NINL: variants seen among roughly 807,000 people sequenced by gnomAD.
The protein encoded by NINL is ninein like.
Under a neutral mutation model 160.3 loss-of-function variants are expected in NINL, and 153 were observed. The observed-to-expected ratio is 0.95, with a 90% confidence interval of 0.84 to 1.09. The LOEUF is 1.09. NINL is among the 50% of genes least tolerant of loss of function. The pLI, the probability that NINL is intolerant of heterozygous loss-of-function variation, is 0.00. For missense variants in NINL, 1,829 were observed against 1,764.0 expected (o/e 1.04, Z -0.66); for synonymous variants, 800 against 734.8 (o/e 1.09, Z -1.43).
In NINL at chr20:25,480,200, C is replaced by CT; in HGVS notation, c.1877dup (p.Glu627GlyfsTer29). The stretch of plus-strand genomic sequence containing the variant: ...GGGTCCTGAGGTCTTGGTAATGCTC[C>CT]TTTACCTGCTCCATCATCAGCTCCG... On this transcript the variant is annotated frameshift_variant, in exon 15 of 24. Coordinates refer to ENST00000278886, the MANE Select transcript of NINL (RefSeq NM_025176.6). LOFTEE classifies it high-confidence loss of function. 1 of 1,614,090 alleles carries CT rather than the reference C, an allele frequency of 6.2e-7. No individual in the cohort carries two copies. Among genetic ancestry groups the CT allele is most frequent in the South Asian group, 1.1e-5 (1 of 91,076 alleles).
chr20:25,540,000 T>G, intron 1 of NINL: 1 of 1,286,654 alleles, frequency 7.8e-7, no homozygotes, highest in Non-Finnish European at 1.0e-6. Context: ...AGCAGCTCAC[T>G]GTAATAATAC....
intron 19 of NINL, among the ~76,000 whole-genome samples, chr20:25,465,301 A>G (rs1344594789): frequency 1.3e-5 from 2 of 152,180 alleles, no homozygotes; most frequent in Non-Finnish European, 2.9e-5. Context: ...CAAAGGGACC[A>G]TGCAGGGGAT....
intron 13 of NINL, among the ~76,000 whole-genome samples, chr20:25,483,744 C>A (rs2063448762): frequency 1.3e-5 from 2 of 152,384 alleles, no homozygotes; most frequent in Middle Eastern, 3.4e-3. Flanking sequence ...CCAGTATGCT[C>A]AGTCACTTGC....
At chr20:25,558,034 G>C (rs953372951) in intron 1 of NINL, among the ~76,000 whole-genome samples, 4 of 151,508 alleles carry the variant, frequency 2.6e-5, no homozygotes, top group Non-Finnish European at 4.4e-5. Context: ...ACAGCTACTC[G>C]GGAGGCTGAA....
At chr20:25,470,912 A>G (rs1300303331) in intron 17 of NINL, among the ~76,000 whole-genome samples, 1 of 152,228 alleles carries the variant, frequency 6.6e-6, no homozygotes, top group Non-Finnish European at 1.5e-5. Context: ...ACTGACTGGT[A>G]AGGCTAACGT....
In NINL at chr20:25,540,099, C is replaced by T. The variant is rs1465812331; in HGVS notation, c.-11-13501G>A. ...AATACTCCTTGGTATTCCACATCTG[C>T]ATAAAATGTTTGCATGTCAAAATCA... On this transcript the variant is annotated intron_variant, in intron 1 of 23. Coordinates refer to ENST00000278886, the MANE Select transcript of NINL (RefSeq NM_025176.6). 4.8e-6 allele frequency: 6 copies of T among 1,242,212 alleles called. No individual in the cohort carries two copies. The South Asian group carries it at 7.5e-5, about 16-fold the overall frequency. 76.9% of individuals were successfully genotyped at this position (1,242,212 alleles called of 1,614,324 possible).
intron 1 of NINL, among the ~76,000 whole-genome samples, chr20:25,545,404 T>C (rs2064719325): frequency 6.6e-6 from 1 of 152,126 alleles, no homozygotes; most frequent in Non-Finnish European, 1.5e-5. Context: ...ACTGTAGACC[T>C]AAAGTCTCCC....
intron 7 of NINL, among the ~76,000 whole-genome samples, chr20:25,501,758 A>G (rs564893555): frequency 6.6e-6 from 1 of 152,066 alleles, no homozygotes; most frequent in East Asian, 1.9e-4. Context: ...TCAGCCTCCC[A>G]AGTAGCTGGG....
rs1054908054 is a variant in NINL, at chr20:25,487,063, A to G, written c.1677+2181T>C. 2.0e-5 allele frequency among the ~76,000 whole-genome samples: 3 copies of G among 152,256 alleles called. No individual in the cohort carries two copies. The South Asian group carries it at 6.2e-4, about 32-fold the overall frequency. On this transcript the variant is annotated intron_variant, in intron 13 of 23. Transcript: ENST00000278886. ...GTGGCCTTAAGATTCACACACGGAA[A>G]GAATGAGCTGTAACTAAAACCAGTT...
chr20:25,459,240 G>C (rs971908040), intron 21 of NINL, among the ~76,000 whole-genome samples: 3 of 152,154 alleles, frequency 2.0e-5, no homozygotes, highest in Non-Finnish European at 4.4e-5. Context: ...TATTTGGGCT[G>C]GGCCTGACAT....
At chr20:25,479,520 G>A (rs1048751548) in intron 15 of NINL, among the ~76,000 whole-genome samples, 2 of 152,194 alleles carry the variant, frequency 1.3e-5, no homozygotes, top group Non-Finnish European at 1.5e-5. Flanking sequence ...ACAGGACCTC[G>A]GGGTGGCTCT....
Position 25,480,187 on chromosome 20 carries a change from C to T in NINL, c.1891G>A (p.Asp631Asn). Reference sequence around the variant, plus strand: ...TTGGTCTCCAGCTGGGTCCTGAGGTCTTGGTAATGCTCCTTTACCTGCTCC... The same window carrying T: ...TTGGTCTCCAGCTGGGTCCTGAGGTTTTGGTAATGCTCCTTTACCTGCTCC... ...MMEQVKEHYQ[D>N]LRTQLETKVN... Residue 631 changes from aspartate (D) to asparagine (N), a missense_variant, in exon 15 of 24, where the codon GAC (aspartate) becomes AAC (asparagine). By Grantham distance (23) the Asp-to-Asn change is conservative. Coordinates refer to ENST00000278886, the MANE Select transcript of NINL (RefSeq NM_025176.6). 1 of 1,613,982 alleles carries T rather than the reference C, an allele frequency of 6.2e-7. No homozygotes were observed. The highest frequency in any genetic ancestry group is 8.5e-7 in the Non-Finnish European group (1 of 1,179,924).
intron 7 of NINL, 84 bp from the exon 8 acceptor site, chr20:25,501,094 G>A: frequency 1.3e-6 from 2 of 1,494,874 alleles, no homozygotes; most frequent in Non-Finnish European, 1.8e-6. Flanking sequence ...ACCCTCCCCA[G>A]CCTGTGCTCA....
At chr20:25,498,123 A>C in intron 9 of NINL, 87 bp downstream of exon 9, 2 of 1,497,080 alleles carry the variant, frequency 1.3e-6, no homozygotes, top group Non-Finnish European at 1.8e-6. Context: ...ATAAGAGCTG[A>C]CTGGTGTCCT....
rs1051363862 is a variant in NINL at position 25,476,431 on chromosome 20, G to A, written c.2860C>T (p.Gln954Ter). The A allele has an allele frequency of 1.2e-6, 2 of 1,609,386 alleles. No homozygotes were observed. The highest frequency in any genetic ancestry group is 1.7e-4 in the Middle Eastern group (1 of 6,058). ...AGGGGTGGCTCCCACATCCGTGGCTGGGTTTGCGAGGCGTCTCTCTCTGTT... is the reference window on the plus strand; with the variant it reads ...AGGGGTGGCTCCCACATCCGTGGCTAGGTTTGCGAGGCGTCTCTCTCTGTT... ...LGTERDASQTQPRMWEPPLRP... is the reference protein window; with the variant it reads ...LGTERDASQT Residue 954 changes from glutamine to a stop codon, truncating the protein, a stop_gained, in exon 17 of 24, where the codon CAG (glutamine) becomes TAG (stop). Coordinates refer to ENST00000278886, the MANE Select transcript of NINL (RefSeq NM_025176.6). LOFTEE classifies it high-confidence loss of function.
chr20:25,481,264 C>A (rs1173672553), intron 14 of NINL, among the ~76,000 whole-genome samples: 4 of 152,048 alleles, frequency 2.6e-5, no homozygotes, highest in African/African-American at 9.7e-5. Flanking sequence ...TCCCCATGGG[C>A]CCCTGTCACA....
intron 1 of NINL, among the ~76,000 whole-genome samples, chr20:25,531,451 C>T (rs1402849579): frequency 6.6e-6 from 1 of 152,152 alleles, no homozygotes; most frequent in Non-Finnish European, 1.5e-5. Flanking sequence ...GATAAGTGTC[C>T]ATGAAATCTT....
At chr20:25,533,633 C>T (rs969761275) in intron 1 of NINL, among the ~76,000 whole-genome samples, 15 of 152,184 alleles carry the variant, frequency 9.9e-5, no homozygotes, top group African/African-American at 3.4e-4. Flanking sequence ...AACCCCCATG[C>T]ATACAAATGA....
intron 2 of NINL, among the ~76,000 whole-genome samples, chr20:25,519,989 CAAAAAAAAAAAA>C (rs59160061): frequency 3.3e-4 from 4 of 12,126 alleles, no homozygotes; most frequent in South Asian, 5.0e-3. Context: ...GACCCCGTCT[CAAAAAAAAAAAA>C]AAAAAAAAAA....
Sources: gnomAD v4.1 joint callset for allele counts (sites outside exome capture counted in the v4.1 genomes callset) on GRCh38, gnomAD v4.1.1 for gene constraint, MANE v1.5 for transcripts, NCBI Gene and HGNC (gene_info 2026-07-23, HGNC 2026-07-21) for gene names.